Variants in ARID4B observed in about 807,000 individuals in gnomAD.
ARID4B encodes AT-rich interactive domain-containing protein 4B.
ARID4B carries 26 observed loss-of-function variants against 147.5 expected under a neutral mutation model. The observed-to-expected ratio is 0.18, with a 90% CI of 0.13 to 0.24. The LOEUF is 0.24. ARID4B is among the 10% of genes least tolerant of loss of function. The probability of loss-of-function intolerance (pLI) is 1.00; values close to 1 mark genes in which losing one functional copy is unlikely to be tolerated. For missense variants in ARID4B, 1,179 were observed against 1,511.5 expected (o/e 0.78, Z 3.65); for synonymous variants, 512 against 507.9 (o/e 1.01, Z -0.11).
At chr1:235,253,923 G>A (rs191856287) in intron 5 of ARID4B, among the ~76,000 whole-genome samples, 7 of 152,106 alleles carry the variant, frequency 4.6e-5, no homozygotes, top group African/African-American at 1.7e-4. Context: ...AATGATTAAT[G>A]GTTAAAAGAA....
At chr1:235,208,676 G>GT (rs35443364) in intron 17 of ARID4B, among the ~76,000 whole-genome samples, 43,803 of 149,664 alleles carry the variant, frequency 0.29, 7,463 homozygotes, top group South Asian at 0.53. Context: ...CTAATTTTGT[G>GT]TTTTTTTTTA....
At chr1:235,277,622 G>A (rs1263788943) in intron 2 of ARID4B, among the ~76,000 whole-genome samples, 7 of 135,556 alleles carry the variant, frequency 5.2e-5, no homozygotes, top group Non-Finnish European at 7.9e-5. Context: ...GTGTGTGTGT[G>A]TGTGTGTGTG....
rs559164691 is a variant in ARID4B, at chr1:235,303,435, G to A, written c.6+23479C>T. On this transcript the variant is annotated intron_variant, in intron 2 of 23. Coordinates refer to ENST00000264183, the MANE Select transcript of ARID4B (RefSeq NM_016374.6). ...GCCTACACAACTTGACTCCAAGAAC[G>A]AAGATTAGGCTGGACACAGTAGCTC... 1.2e-3 allele frequency among the ~76,000 whole-genome samples: 180 copies of A among 151,734 alleles called. 1 individual carries two copies. Among genetic ancestry groups the A allele is most frequent in the African/African-American group, 4.2e-3 (174 of 41,370 alleles).
intron 2 of ARID4B, among the ~76,000 whole-genome samples, chr1:235,322,562 C>T (rs1376281053): frequency 6.6e-6 from 1 of 152,186 alleles, no homozygotes; most frequent in East Asian, 1.9e-4. Context: ...GAAAACTTTC[C>T]ATAGCTCTCT....
rs190704391 is a variant in ARID4B at position 235,321,104 on chromosome 1, C to A, written c.6+5810G>T. On this transcript the variant is annotated intron_variant, in intron 2 of 23. Transcript: ENST00000264183. ...CAATGTCCGGTACAAGGAAAGTACA[C>A]AATGTGTTCAATGACTGAATTCACT... is the stretch of plus-strand genomic sequence containing the variant. Among the ~76,000 whole-genome samples the A allele has an allele frequency of 5.3e-5, 8 of 152,298 alleles. No individual in the cohort carries two copies. The East Asian group carries it at 1.5e-3, about 29-fold the overall frequency.
rs1665314392 is a variant in ARID4B at position 235,194,093 on chromosome 1, A to C, written c.2045T>G (p.Leu682Arg). Residue 682 changes from leucine (L) to arginine (R), a missense_variant, in exon 19 of 24, where the codon CTG becomes CGG. Leu to Arg is a moderately radical substitution (Grantham distance 102). Around this residue, in one of 10 missense-constraint regions of ARID4B, gnomAD observed 321 missense variants for 342.4 expected, o/e 0.94. Coordinates refer to ENST00000264183, the MANE Select transcript of ARID4B (RefSeq NM_016374.6). ...AGAGTTTTTGGCATCAGTGAGATCC[A>C]GTTTGGATACCATTTCAGGAGATGG... ...TNPSPEMVSK[L>R]DLTDAKNSDT... The C allele has an allele frequency of 3.1e-6, 5 of 1,613,196 alleles. No homozygotes were observed. The highest frequency in any genetic ancestry group is 3.4e-6 in the Non-Finnish European group (4 of 1,179,288).
At chr1:235,296,328 G>C (rs1182166693) in intron 2 of ARID4B, 1 of 152,444 alleles carries the variant, frequency 6.6e-6, no homozygotes, top group East Asian at 1.9e-4. Flanking sequence ...ACAAAATTGG[G>C]ATCATCTAAA....
At chr1:235,292,356 G>A (rs540287161) in intron 2 of ARID4B, among the ~76,000 whole-genome samples, 7 of 152,254 alleles carry the variant, frequency 4.6e-5, no homozygotes, top group Admixed American at 3.9e-4. Flanking sequence ...GCTCACGCCT[G>A]TAATCCCAGC....
At chr1:235,245,960 T>C (rs888079227) in intron 7 of ARID4B, among the ~76,000 whole-genome samples, 11 of 152,088 alleles carry the variant, frequency 7.2e-5, no homozygotes, top group African/African-American at 2.4e-4. Flanking sequence ...TGCCAGAGAA[T>C]TGGGTTTACA....
chr1:235,263,893 C>G (rs1465539612), intron 2 of ARID4B, among the ~76,000 whole-genome samples: 1 of 151,804 alleles, frequency 6.6e-6, no homozygotes, highest in East Asian at 1.9e-4. Context: ...ACTCAGGAGG[C>G]TGAGGCAGGA....
intron 2 of ARID4B, among the ~76,000 whole-genome samples, chr1:235,304,340 C>T (rs1673396859): frequency 6.6e-6 from 1 of 151,958 alleles, no homozygotes; most frequent in South Asian, 2.1e-4. Flanking sequence ...AGAGGAAGAC[C>T]CTGTCCCGAA....
At chr1:235,264,325 A>G (rs1670466990) in intron 2 of ARID4B, among the ~76,000 whole-genome samples, 1 of 152,242 alleles carries the variant, frequency 6.6e-6, no homozygotes, top group African/African-American at 2.4e-5. Context: ...CTATTTTTCA[A>G]TGCCAACCAA....
At chr1:235,285,340 G>A (rs1003116486) in intron 2 of ARID4B, among the ~76,000 whole-genome samples, 13 of 152,078 alleles carry the variant, frequency 8.5e-5, no homozygotes, top group Non-Finnish European at 1.6e-4. Flanking sequence ...TGTAATTAAC[G>A]TATCAACAAA....
At chr1:235,255,219 C>CTAGA (rs1553304253) in intron 5 of ARID4B, among the ~76,000 whole-genome samples, 6 of 127,640 alleles carry the variant, frequency 4.7e-5, no homozygotes, top group Non-Finnish European at 1.0e-4. Flanking sequence ...CTGCTGGGAG[C>CTAGA]TAGATAGATA....
At chr1:235,296,800 AG>A (rs1425055207) in intron 2 of ARID4B, among the ~76,000 whole-genome samples, 2 of 6,136 alleles carry the variant, frequency 3.3e-4, no homozygotes, top group Non-Finnish European at 6.5e-4. Flanking sequence ...GGAGGAAGGA[AG>A]GAAGGAAGGA....
intron 2 of ARID4B, among the ~76,000 whole-genome samples, chr1:235,308,636 G>C (rs1673764000): frequency 6.6e-6 from 1 of 152,052 alleles, no homozygotes; most frequent in Admixed American, 6.6e-5. Context: ...TGCCACGCCT[G>C]ACTGGTTTTT....
chr1:235,173,308 C>A (rs1296775491), intron 22 of ARID4B, among the ~76,000 whole-genome samples: 1 of 152,152 alleles, frequency 6.6e-6, no homozygotes, highest in African/African-American at 2.4e-5. Context: ...TGTGCCACTG[C>A]ACGCTAGCCT....
chr1:235,313,031 T>C, intron 2 of ARID4B, among the ~76,000 whole-genome samples: 1 of 152,070 alleles, frequency 6.6e-6, no homozygotes, highest in East Asian at 1.9e-4. Context: ...CTTATCAAGA[T>C]AAAACTGAAA....
rs370720719 is a variant in ARID4B, at chr1:235,259,379, A to C, written c.117+1263T>G. Among the ~76,000 whole-genome samples, 20 of 152,356 alleles carry C rather than the reference A, an allele frequency of 1.3e-4. 2 individuals carry two copies. In the South Asian group the frequency reaches 3.5e-3, roughly 27 times the overall value. ...CAGTCCAAAGAGAATGTCTTTTCCAACTGGCACAAACTTGCTATCTGCATG... is the reference window on the plus strand; with the variant it reads ...CAGTCCAAAGAGAATGTCTTTTCCACCTGGCACAAACTTGCTATCTGCATG... On this transcript the variant is annotated intron_variant, in intron 3 of 23. Coordinates refer to ENST00000264183, the MANE Select transcript of ARID4B (RefSeq NM_016374.6).
Sources: gnomAD v4.1 joint callset for allele counts (sites outside exome capture counted in the v4.1 genomes callset) on GRCh38, gnomAD v4.1.1 for gene constraint, gnomAD v4.1.1 regional missense constraint, MANE v1.5 for transcripts, NCBI Gene and HGNC (gene_info 2026-07-23, HGNC 2026-07-21) for gene names.